The following HERC1 variants were observed in gnomAD, a reference collection of about 807,000 sequenced individuals.
HERC1 encodes the protein HECT and RLD domain containing E3 ubiquitin protein ligase family member 1, also known as probable E3 ubiquitin-protein ligase HERC1.
HERC1 carries 160 observed loss-of-function variants against 554.3 expected under a neutral mutation model. The observed-to-expected ratio is 0.29, with a 90% CI of 0.25 to 0.33. HERC1 has a LOEUF of 0.33. Ranked by LOEUF, HERC1 falls within the 10% of genes least tolerant of loss-of-function variation. HERC1 has a pLI of 1.00. For synonymous variants in HERC1, 2,175 were observed against 2,131.7 expected (o/e 1.02, Z -0.56); for missense variants, 4,919 against 5,918.5 (o/e 0.83, Z 5.54).
At chr15:63,739,125 GA>G (rs1555432345) in intron 12 of HERC1, among the ~76,000 whole-genome samples, 1 of 139,890 alleles carries the variant, frequency 7.1e-6, no homozygotes, top group Non-Finnish European at 1.5e-5. Context: ...ACTACCAAAA[GA>G]AAAAAAGCCG....
At chr15:63,620,591 G>T (rs2152749959) in intron 74 of HERC1, among the ~76,000 whole-genome samples, 1 of 152,202 alleles carries the variant, frequency 6.6e-6, no homozygotes, top group South Asian at 2.1e-4. Context: ...GTTGACAGTG[G>T]GGTGTTAAAG....
At chr15:63,693,908 C>T in intron 30 of HERC1, 56 bp downstream of exon 30, 1 of 1,503,162 alleles carries the variant, frequency 6.7e-7, no homozygotes, top group Non-Finnish European at 8.9e-7. Flanking sequence ...CATATGCACA[C>T]AATGGGGTTT....
At chr15:63,747,602 A>G (rs1596142416) in intron 11 of HERC1, 122 bp downstream of exon 11, 1 of 526,142 alleles carries the variant, frequency 1.9e-6, no homozygotes, top group Non-Finnish European at 3.2e-6. Flanking sequence ...AAAGTTTCAT[A>G]TAATTTGGGA....
At chr15:63,700,361 A>C (rs2072649335) in intron 25 of HERC1, among the ~76,000 whole-genome samples, 1 of 152,132 alleles carries the variant, frequency 6.6e-6, no homozygotes, top group African/African-American at 2.4e-5. Flanking sequence ...AATATGCATA[A>C]AAATTATATC....
rs2075174874 is a variant in HERC1 at position 63,749,813 on chromosome 15, T to TA, written c.1903-23dup. 1 of 1,519,030 alleles carries TA rather than the reference T, an allele frequency of 6.6e-7. No homozygotes were observed. Among genetic ancestry groups the TA allele is most frequent in the African/African-American group, 1.4e-5 (1 of 71,558 alleles). The allele number at this position is 1,519,030 out of a possible 1,614,324, so 94.1% of individuals were successfully genotyped here. A position where few individuals can be genotyped will look rare whatever the true frequency, so the allele number is the denominator to read the frequency against. ...AGACCTGAAAAAAACAGAAATACGTTACACATAACTTCCTGAGATGATTAG... is the reference window on the plus strand; with the variant it reads ...AGACCTGAAAAAAACAGAAATACGTTAACACATAACTTCCTGAGATGATTAG... On this transcript the variant is annotated intron_variant, in intron 8 of 77. Transcript: ENST00000443617. This position sits in a 1 kb window ranked among gnomAD's most constrained non-coding sequence, Gnocchi z 4.1.
intron 77 of HERC1, among the ~76,000 whole-genome samples, chr15:63,611,949 CCAA>C (rs1178927956): frequency 1.3e-5 from 2 of 152,188 alleles, no homozygotes; most frequent in African/African-American, 4.8e-5. Flanking sequence ...CTTTGGGAGG[CCAA>C]CGTGACCAGA....
intron 71 of HERC1, 138 bp from the exon 72 acceptor site, chr15:63,624,465 G>T: frequency 2.8e-6 from 2 of 707,332 alleles, no homozygotes; most frequent in Middle Eastern, 3.1e-4. Context: ...GGGAGGCTGT[G>T]GTGGGCGGAT....
chr15:63,633,455 G>A (rs774205434), intron 67 of HERC1, among the ~76,000 whole-genome samples: 10 of 152,142 alleles, frequency 6.6e-5, no homozygotes, highest in Non-Finnish European at 1.5e-4. Context: ...AAAAGGAGAC[G>A]TGTACCTGTG....
At chr15:63,683,290 G>A (rs2071578563) in intron 34 of HERC1, among the ~76,000 whole-genome samples, 1 of 152,112 alleles carries the variant, frequency 6.6e-6, no homozygotes, top group Non-Finnish European at 1.5e-5. Context: ...TGTCACCAGT[G>A]GGTGGATTGG....
intron 24 of HERC1, among the ~76,000 whole-genome samples, chr15:63,710,961 T>TA (rs1047555890): frequency 1.5e-4 from 23 of 152,164 alleles, no homozygotes; most frequent in African/African-American, 5.1e-4. Context: ...TGTAAGGACT[T>TA]AGACTTCTAG....
At chr15:63,735,078 GATTCTATAGC>G (rs761346378) in intron 12 of HERC1, among the ~76,000 whole-genome samples, 26 of 152,244 alleles carry the variant, frequency 1.7e-4, no homozygotes, top group Admixed American at 2.6e-4. Context: ...ATTTAGTGTT[GATTCTATAGC>G]ATTCACCCTG....
chr15:63,615,453 TAA>T (rs2067774650), intron 76 of HERC1, among the ~76,000 whole-genome samples: 1 of 151,812 alleles, frequency 6.6e-6, no homozygotes, highest in Non-Finnish European at 1.5e-5. Flanking sequence ...TACCAAAAAA[TAA>T]AAAGATTAGC....
intron 1 of HERC1, among the ~76,000 whole-genome samples, chr15:63,793,523 CA>C (rs1434905091): frequency 6.6e-6 from 1 of 152,148 alleles, no homozygotes; most frequent in Non-Finnish European, 1.5e-5. Context: ...ACCCCTCTCC[CA>C]GAAAACTCAT....
At chr15:63,703,465 T>C (rs936582149) in intron 25 of HERC1, among the ~76,000 whole-genome samples, 2 of 152,238 alleles carry the variant, frequency 1.3e-5, no homozygotes, top group Non-Finnish European at 2.9e-5. Flanking sequence ...TAAACAGCAT[T>C]ATCTCTCTCC....
intron 1 of HERC1, among the ~76,000 whole-genome samples, chr15:63,803,548 A>G (rs2077052281): frequency 6.6e-6 from 1 of 152,122 alleles, no homozygotes; most frequent in Non-Finnish European, 1.5e-5. Context: ...TCTGCCTCCT[A>G]AAGTGCTAGG....
intron 1 of HERC1, among the ~76,000 whole-genome samples, chr15:63,810,109 T>A (rs973798840): frequency 6.6e-6 from 1 of 152,226 alleles, no homozygotes; most frequent in Non-Finnish European, 1.5e-5. Flanking sequence ...TGAAAATGAT[T>A]ACTATGATAT....
rs2072389308 is a variant in HERC1 at position 63,695,980 on chromosome 15, G to A, written c.5121+144C>T. The A allele has an allele frequency of 1.9e-5, 12 of 625,162 alleles. No individual in the cohort carries two copies. The South Asian group carries it at 2.3e-4, about 12-fold the overall frequency. The allele number at this position is 625,162 out of a possible 1,614,324, so 38.7% of individuals were successfully genotyped here. On this transcript the variant is annotated intron_variant, in intron 27 of 77. Transcript: ENST00000443617. ...ACCTAATCTCTACTGCATTATTTAG[G>A]AAATGGAACCAAGGAGCTATCTTAA...
intron 53 of HERC1, among the ~76,000 whole-genome samples, chr15:63,650,569 C>A (rs1489116481): frequency 1.3e-5 from 2 of 152,034 alleles, no homozygotes; most frequent in African/African-American, 4.8e-5. Context: ...AGGCATATGT[C>A]ACCACGCCTG....
At chr15:63,699,544 T>A (rs1467388164) in intron 25 of HERC1, among the ~76,000 whole-genome samples, 1 of 152,196 alleles carries the variant, frequency 6.6e-6, no homozygotes, top group African/African-American at 2.4e-5. Flanking sequence ...AACATCACCC[T>A]TTGGGTTTCA....
Sources: gnomAD v4.1 joint callset for allele counts (sites outside exome capture counted in the v4.1 genomes callset) on GRCh38, gnomAD v4.1.1 for gene constraint, Gnocchi (gnomAD v3.1) non-coding constraint, MANE v1.5 for transcripts, NCBI Gene and HGNC (gene_info 2026-07-23, HGNC 2026-07-21) for gene names.